The following UBR3 variants were observed in gnomAD, a reference collection of about 807,000 sequenced individuals.
The protein encoded by UBR3 is E3 ubiquitin-protein ligase UBR3.
Under a neutral mutation model 243.2 loss-of-function variants are expected in UBR3, and 85 were observed. The ratio of observed to expected loss-of-function variants is 0.35; its 90% CI spans 0.29 to 0.42. The LOEUF is 0.42. UBR3 is among the 10% of genes least tolerant of loss of function. The probability of loss-of-function intolerance (pLI) is 1.00; values close to 1 mark genes in which losing one functional copy is unlikely to be tolerated. For synonymous variants in UBR3, 748 were observed against 799.8 expected (o/e 0.94, Z 1.09); for missense variants, 1,686 against 2,300.8 (o/e 0.73, Z 5.47).
chr2:170,077,359 G>T, intron 36 of UBR3: 1 of 963,492 alleles, frequency 1.0e-6, no homozygotes, highest in Non-Finnish European at 1.7e-6. Flanking sequence ...AGTACCTTTG[G>T]TAATAACATC....
chr2:169,947,566 T>G lies in UBR3; in HGVS notation c.2935T>G (p.Cys979Gly). The G allele has an allele frequency of 6.6e-7, 1 of 1,517,886 alleles. No homozygotes were observed. The highest frequency in any genetic ancestry group is 1.3e-5 in the South Asian group (1 of 77,006). The allele number at this position is 1,517,886 out of a possible 1,614,324, so 94.0% of individuals were successfully genotyped here. Residue 979 changes from cysteine (C) to glycine (G), a missense_variant, in exon 22 of 39, where the codon TGT becomes GGT. Physicochemically the swap from Cys to Gly is radical, Grantham distance 159 (BLOSUM62 -3). Coordinates refer to ENST00000272793, the MANE Select transcript of UBR3 (RefSeq NM_172070.4). ...EEASVGGPER[C>G]HDSWFPGSNL... Reference sequence around the variant, plus strand: ...GGCATCAGTGGGTGGACCAGAACGTTGTCATGACAGTTGGTTTCCTGGCAG... The same window carrying G: ...GGCATCAGTGGGTGGACCAGAACGTGGTCATGACAGTTGGTTTCCTGGCAG...
At chr2:169,881,922 C>CATATAGGTAT (rs1428449377) in intron 5 of UBR3, among the ~76,000 whole-genome samples, 83 of 91,216 alleles carry the variant, frequency 9.1e-4, no homozygotes, top group South Asian at 2.2e-3. Context: ...TATATGTATA[C>CATATAGGTAT]ATGTATACAT....
intron 10 of UBR3, among the ~76,000 whole-genome samples, chr2:169,911,665 T>A (rs1297185118): frequency 6.6e-6 from 1 of 152,148 alleles, no homozygotes; most frequent in Non-Finnish European, 1.5e-5. Context: ...TACCTACTTG[T>A]CAAATTGTTC....
chr2:169,846,082 ATAT>A (rs59316834), intron 1 of UBR3, among the ~76,000 whole-genome samples: 63,282 of 151,676 alleles, frequency 0.42, 14,965 homozygotes, highest in Non-Finnish European at 0.54. Context: ...AAGTTGGTTG[ATAT>A]TGTTGTTCAG....
At chr2:170,054,607 T>G (rs1179010006) in intron 32 of UBR3, among the ~76,000 whole-genome samples, 2 of 152,108 alleles carry the variant, frequency 1.3e-5, no homozygotes. Flanking sequence ...TAAAAATTTT[T>G]GTAGAGAGGG....
At chr2:170,002,440 C>G (rs1247796826) in intron 27 of UBR3, among the ~76,000 whole-genome samples, 1 of 152,220 alleles carries the variant, frequency 6.6e-6, no homozygotes, top group East Asian at 1.9e-4. Flanking sequence ...AGATTCATTT[C>G]CTCTTAACAG....
chr2:169,902,584 CA>C (rs1311305159), intron 8 of UBR3, among the ~76,000 whole-genome samples: 1 of 150,766 alleles, frequency 6.6e-6, no homozygotes, highest in Non-Finnish European at 1.5e-5. Context: ...TTATAGGCCT[CA>C]GTTTAAACTT....
intron 26 of UBR3, among the ~76,000 whole-genome samples, chr2:170,000,935 G>C (rs1305515151): frequency 6.6e-6 from 1 of 152,156 alleles, no homozygotes; most frequent in Admixed American, 6.5e-5. Flanking sequence ...CAAGAAGTAA[G>C]TTGTTAATGT....
At chr2:169,881,860 T>G (rs36194615) in intron 5 of UBR3, among the ~76,000 whole-genome samples, 60,659 of 131,664 alleles carry the variant, frequency 0.46, 15,890 homozygotes, top group Non-Finnish European at 0.59. Context: ...TACGTATATG[T>G]GTATATGTAT....
At chr2:169,978,149 G>C (rs2088549643) in intron 24 of UBR3, among the ~76,000 whole-genome samples, 1 of 152,114 alleles carries the variant, frequency 6.6e-6, no homozygotes, top group South Asian at 2.1e-4. Flanking sequence ...TAATGTCCTT[G>C]GTGGCAAGGC....
intron 30 of UBR3, among the ~76,000 whole-genome samples, chr2:170,027,014 G>A (rs16857484): frequency 1.3e-5 from 2 of 151,716 alleles, no homozygotes; most frequent in African/African-American, 2.4e-5. Context: ...TTGTTAAAAT[G>A]GTTATTTGGT....
At chr2:169,893,671 C>T (rs1310857109) in intron 6 of UBR3, among the ~76,000 whole-genome samples, 3 of 152,188 alleles carry the variant, frequency 2.0e-5, no homozygotes, top group African/African-American at 4.8e-5. Flanking sequence ...ATCCAATCCT[C>T]CTGTCTCAAC....
intron 24 of UBR3, among the ~76,000 whole-genome samples, chr2:169,969,937 C>CT (rs34413545): frequency 0.058 from 5,201 of 89,674 alleles, 159 homozygotes; most frequent in Non-Finnish European, 0.088. Flanking sequence ...ATGCCTCCAG[C>CT]TTTTTTTTTT....
chr2:169,891,424 T>C (rs2084369965), intron 6 of UBR3, among the ~76,000 whole-genome samples, 193 bp downstream of exon 6: 1 of 152,174 alleles, frequency 6.6e-6, no homozygotes, highest in Admixed American at 6.6e-5. Flanking sequence ...GTTCATTATT[T>C]TCATCATAAA....
chr2:169,879,903 T>C lies in UBR3; in HGVS notation c.1038+1329T>C, dbSNP rs561374209. ...TTTAAAATAGACTTTCAAAAACATA[T>C]AAACATTATTATTTTAACTAAACTG... On this transcript the variant is annotated intron_variant, in intron 5 of 38. Transcript: ENST00000272793. Among the ~76,000 whole-genome samples the C allele has an allele frequency of 3.9e-5, 6 of 152,296 alleles. No homozygotes were observed. In the South Asian group the frequency reaches 1.2e-3, roughly 32 times the overall value.
At chr2:170,029,644 T>G (rs1187491588) in intron 31 of UBR3, among the ~76,000 whole-genome samples, 196 bp downstream of exon 31, 1 of 152,050 alleles carries the variant, frequency 6.6e-6, no homozygotes, top group African/African-American at 2.4e-5. Flanking sequence ...TCCCACCATG[T>G]GAGAAAATCT....
chr2:169,935,109 A>G (rs1343664661), intron 19 of UBR3, among the ~76,000 whole-genome samples: 2 of 152,348 alleles, frequency 1.3e-5, no homozygotes, highest in South Asian at 2.1e-4. Context: ...TTTCAGTGTT[A>G]TATTTTATAT....
chr2:169,927,043 ACTGGCTTAGGG>A, intron 16 of UBR3, 72 bp downstream of exon 16: 2 of 1,496,536 alleles, frequency 1.3e-6, no homozygotes, highest in South Asian at 1.3e-5. Context: ...TGTGGTAGTA[ACTGGCTTAGGG>A]AAAAAAGGAA....
intron 1 of UBR3, among the ~76,000 whole-genome samples, chr2:169,835,281 TGGGAGTAAGA>T (rs1283465841): frequency 6.6e-6 from 1 of 152,102 alleles, no homozygotes. Flanking sequence ...TGCTTGAGGC[TGGGAGTAAGA>T]GGCTGCAGTG....
Sources: allele counts gnomAD v4.1 joint callset (sites outside exome capture counted in the v4.1 genomes callset), GRCh38; gene constraint gnomAD v4.1.1; transcripts MANE v1.5; gene names NCBI Gene and HGNC (gene_info 2026-07-23, HGNC 2026-07-21).